HHAT: variants seen among roughly 807,000 people sequenced by gnomAD.
HHAT encodes the protein hedgehog acyltransferase, also known as protein-cysteine N-palmitoyltransferase HHAT.
In HHAT, 47 loss-of-function variants were observed where a neutral mutation model predicts 70.8. The observed-to-expected ratio is 0.66, with a 90% CI of 0.53 to 0.85. The LOEUF is 0.85. Among genes scored for constraint, HHAT ranks in the 40% least tolerant of loss-of-function variants. The pLI is 0.00. For synonymous variants in HHAT, 228 were observed against 247.6 expected (o/e 0.92, Z 0.74); for missense variants, 609 against 604.8 (o/e 1.01, Z -0.07).
At chr1:210,666,997 G>A (rs1047656912) in intron 11 of HHAT, among the ~76,000 whole-genome samples, 2 of 151,548 alleles carry the variant, frequency 1.3e-5, no homozygotes, top group South Asian at 2.1e-4. Flanking sequence ...GGAGAACGGC[G>A]TGAACCCGGA....
At chr1:210,466,575 C>G (rs972428231) in intron 8 of HHAT, among the ~76,000 whole-genome samples, 1 of 152,146 alleles carries the variant, frequency 6.6e-6, no homozygotes, top group East Asian at 1.9e-4. Flanking sequence ...TGTACTCTTG[C>G]ATTTCTTGGG....
intron 8 of HHAT, among the ~76,000 whole-genome samples, chr1:210,495,046 C>T (rs906067648): frequency 3.3e-5 from 5 of 151,984 alleles, no homozygotes; most frequent in Non-Finnish European, 5.9e-5. Flanking sequence ...GGACCAAGGA[C>T]CAATGAGCCC....
At chr1:210,466,112 CGCAAGGAATCGCAAGGAATGAATT>C (rs1558574332) in intron 8 of HHAT, among the ~76,000 whole-genome samples, 4 of 120,026 alleles carry the variant, frequency 3.3e-5, no homozygotes, top group South Asian at 2.8e-4. Context: ...TGCAAGGAAT[CGCAAGGAATCGCAAGGAATGAATT>C]GCAAGGAATC....
chr1:210,397,935 A>T (rs2091883623), intron 4 of HHAT, among the ~76,000 whole-genome samples: 1 of 152,186 alleles, frequency 6.6e-6, no homozygotes, highest in Non-Finnish European at 1.5e-5. Context: ...CCCTGCCATG[A>T]TGCCAGTTGG....
intron 3 of HHAT, among the ~76,000 whole-genome samples, chr1:210,367,859 C>G (rs960129281): frequency 6.6e-6 from 1 of 152,056 alleles, no homozygotes; most frequent in Non-Finnish European, 1.5e-5. Flanking sequence ...GTTTTTGCAT[C>G]CTTTTTTTGT....
intron 8 of HHAT, among the ~76,000 whole-genome samples, chr1:210,473,884 T>A (rs1280839342): frequency 6.6e-6 from 1 of 152,222 alleles, no homozygotes; most frequent in Non-Finnish European, 1.5e-5. Context: ...AGACATCCCT[T>A]CAGCAAAGTC....
intron 7 of HHAT, among the ~76,000 whole-genome samples, chr1:210,453,447 G>A (rs2093796107): frequency 1.3e-5 from 2 of 152,154 alleles, no homozygotes; most frequent in African/African-American, 4.8e-5. Context: ...CCTGCTTGAT[G>A]TGCTGTTATA....
At chr1:210,417,189 A>G (rs1477196806) in intron 6 of HHAT, among the ~76,000 whole-genome samples, 3 of 152,214 alleles carry the variant, frequency 2.0e-5, no homozygotes, top group Non-Finnish European at 2.9e-5. Context: ...AGTGAAACTC[A>G]ATATTGTTTT....
intron 1 of HHAT, among the ~76,000 whole-genome samples, chr1:210,331,987 T>C (rs955554441): frequency 3.3e-5 from 5 of 152,194 alleles, no homozygotes; most frequent in Non-Finnish European, 5.9e-5. Flanking sequence ...GTATAAAAGA[T>C]GTGTGTGCTC....
intron 10 of HHAT, among the ~76,000 whole-genome samples, chr1:210,615,187 T>C (rs12129947): frequency 0.11 from 16,341 of 152,272 alleles, 1,115 homozygotes; most frequent in Middle Eastern, 0.19. Context: ...TTTTCCTGTG[T>C]CTTTTGGCTG....
chr1:210,579,978 A>G (rs954632503), intron 9 of HHAT, among the ~76,000 whole-genome samples: 4 of 152,244 alleles, frequency 2.6e-5, no homozygotes, highest in Non-Finnish European at 4.4e-5. Context: ...GAAAAGAAAG[A>G]TTATTTAAAT....
At chr1:210,352,430 A>C (rs761247091) in intron 2 of HHAT, among the ~76,000 whole-genome samples, 5 of 152,166 alleles carry the variant, frequency 3.3e-5, no homozygotes, top group Non-Finnish European at 7.3e-5. Context: ...AAAAAGTGCT[A>C]CTTACCCACA....
At chr1:210,329,312 C>A (rs1571608457) in intron 1 of HHAT, 1 of 1,220,800 alleles carries the variant, frequency 8.2e-7, no homozygotes, top group Non-Finnish European at 1.0e-6. Flanking sequence ...TGCGCCCGGG[C>A]AAAGGCGGGG....
chr1:210,600,472 A>T (rs111704116), intron 10 of HHAT, among the ~76,000 whole-genome samples: 5,498 of 152,292 alleles, frequency 0.036, 183 homozygotes, highest in Admixed American at 0.073. Flanking sequence ...AAATGCTGTT[A>T]TAATGCTCAG....
chr1:210,666,318 T>C (rs960544643), intron 11 of HHAT, among the ~76,000 whole-genome samples: 2 of 152,184 alleles, frequency 1.3e-5, no homozygotes, highest in Admixed American at 6.5e-5. Context: ...TTCCCACTGC[T>C]GAATGCATCT....
Position 210,480,648 on chromosome 1 carries a change from T to G in HHAT, c.1007+15993T>G, listed in dbSNP as rs61828075. Among the ~76,000 whole-genome samples the G allele has an allele frequency of 3.3e-3, 509 of 152,334 alleles. 5 individuals are homozygous for G. The highest frequency in any genetic ancestry group is 5.1e-3 in the Non-Finnish European group (347 of 68,032). Reference sequence around the variant, plus strand: ...CTGCACCCCTTGCTGTCTTGCACTTTCCATCTACAGTCTGCCTCTAGAAAC... The same window carrying G: ...CTGCACCCCTTGCTGTCTTGCACTTGCCATCTACAGTCTGCCTCTAGAAAC... On this transcript the variant is annotated intron_variant, in intron 8 of 11. Transcript: ENST00000261458.
At chr1:210,484,492 T>A (rs2148495044) in intron 8 of HHAT, among the ~76,000 whole-genome samples, 1 of 96,062 alleles carries the variant, frequency 1.0e-5, no homozygotes, top group South Asian at 2.9e-4. Context: ...TTACCATAGC[T>A]ACTTTTTTTT....
At chr1:210,374,426 TC>T (rs1002116998) in intron 3 of HHAT, among the ~76,000 whole-genome samples, 202 of 152,336 alleles carry the variant, frequency 1.3e-3, no homozygotes, top group African/African-American at 4.7e-3. Flanking sequence ...AAAGAAATAT[TC>T]TTTTAAGCTT....
At chr1:210,623,164 C>G (rs1334086559) in intron 10 of HHAT, among the ~76,000 whole-genome samples, 1 of 152,174 alleles carries the variant, frequency 6.6e-6, no homozygotes. Context: ...CTCGAACTCC[C>G]GGGCTGAAGC....
Sources: allele counts gnomAD v4.1 joint callset (sites outside exome capture counted in the v4.1 genomes callset), GRCh38; gene constraint gnomAD v4.1.1; transcripts MANE v1.5; gene names NCBI Gene and HGNC (gene_info 2026-07-23, HGNC 2026-07-21).